Variants in JAZF1 observed in about 807,000 individuals in gnomAD.
The protein encoded by JAZF1 is juxtaposed with another zinc finger protein 1.
Under a neutral mutation model 26.4 loss-of-function variants are expected in JAZF1, and 8 were observed. The observed-to-expected ratio is 0.30, with a 90% CI of 0.18 to 0.55. The LOEUF (loss-of-function observed/expected upper bound fraction) is 0.55. JAZF1 is among the 20% of genes least tolerant of loss of function. JAZF1 has a pLI of 0.94. For synonymous variants in JAZF1, 126 were observed against 122.3 expected (o/e 1.03, Z -0.20); for missense variants, 199 against 322.0 (o/e 0.62, Z 2.92).
At chr7:27,982,680 C>A (rs904622644) in intron 2 of JAZF1, among the ~76,000 whole-genome samples, 1 of 152,180 alleles carries the variant, frequency 6.6e-6, no homozygotes, top group Non-Finnish European at 1.5e-5. Context: ...CCCCGAGTAT[C>A]CTAACTGGGA....
intron 1 of JAZF1, among the ~76,000 whole-genome samples, chr7:28,024,315 A>G (rs1783057438): frequency 6.6e-6 from 1 of 152,016 alleles, no homozygotes; most frequent in African/African-American, 2.4e-5. Flanking sequence ...ACAAAGAGAG[A>G]GAGAGAGATG....
chr7:27,966,944 G>T (rs185516453), intron 2 of JAZF1, among the ~76,000 whole-genome samples: 2 of 152,144 alleles, frequency 1.3e-5, no homozygotes. Flanking sequence ...GGGCATCCAG[G>T]TTGCTTGGCA....
intron 2 of JAZF1, among the ~76,000 whole-genome samples, chr7:27,969,471 C>T (rs1195077407): frequency 2.6e-5 from 4 of 151,946 alleles, no homozygotes; most frequent in East Asian, 1.9e-4. Flanking sequence ...TTGAACATCA[C>T]GTTTATGGCC....
chr7:28,107,813 C>T (rs1443875860), intron 1 of JAZF1, among the ~76,000 whole-genome samples: 2 of 152,194 alleles, frequency 1.3e-5, no homozygotes, highest in African/African-American at 4.8e-5. Context: ...ATACGGAGTT[C>T]CACTTTACAG....
chr7:28,065,330 G>A (rs1419191116), intron 1 of JAZF1, among the ~76,000 whole-genome samples: 1 of 151,370 alleles, frequency 6.6e-6, no homozygotes, highest in East Asian at 1.9e-4. Flanking sequence ...GCGGGGAGGC[G>A]CCTCAAGAGA....
rs1562603967 is a variant in JAZF1 at position 28,149,747 on chromosome 7, G to A, written c.115+30716C>T. On this transcript the variant is annotated intron_variant, in intron 1 of 4. Coordinates refer to ENST00000283928, the MANE Select transcript of JAZF1 (RefSeq NM_175061.4). ...AGAGCTGTCTAAAACGAATGTATCTGCTGAAACATGGGATATAGCAATGGG... is the reference window on the plus strand; with the variant it reads ...AGAGCTGTCTAAAACGAATGTATCTACTGAAACATGGGATATAGCAATGGG... 2.0e-5 allele frequency among the ~76,000 whole-genome samples: 3 copies of A among 152,324 alleles called. No individual in the cohort carries two copies. In the East Asian group the frequency reaches 5.8e-4, roughly 29 times the overall value.
At chr7:27,916,290 G>A (rs1352331541) in intron 2 of JAZF1, among the ~76,000 whole-genome samples, 1 of 151,996 alleles carries the variant, frequency 6.6e-6, no homozygotes, top group Non-Finnish European at 1.5e-5. Context: ...GGGATCAGTG[G>A]AATTTTTTTT....
At chr7:27,839,875 T>G (rs1782888993) in intron 4 of JAZF1, among the ~76,000 whole-genome samples, 1 of 152,192 alleles carries the variant, frequency 6.6e-6, no homozygotes, top group African/African-American at 2.4e-5. Flanking sequence ...TATGAGTGAA[T>G]TAGCATATCA....
At chr7:28,035,310 T>A (rs1441051765) in intron 1 of JAZF1, among the ~76,000 whole-genome samples, 16 of 18,378 alleles carry the variant, frequency 8.7e-4, no homozygotes, top group Non-Finnish European at 1.5e-3. Flanking sequence ...TGAGACTCCA[T>A]CTCAAAAAAA....
intron 1 of JAZF1, among the ~76,000 whole-genome samples, chr7:28,161,308 G>A (rs962778038): frequency 1.4e-5 from 2 of 144,888 alleles, no homozygotes; most frequent in African/African-American, 5.1e-5. Context: ...TGTAGGTAGA[G>A]GATGAAAACT....
chr7:27,907,413 C>A (rs1246822987), intron 2 of JAZF1, among the ~76,000 whole-genome samples: 1 of 152,124 alleles, frequency 6.6e-6, no homozygotes, highest in Admixed American at 6.5e-5. Flanking sequence ...AATTTAACTG[C>A]CATCTAGGAG....
chr7:27,940,915 G>A (rs1247125509), intron 2 of JAZF1, among the ~76,000 whole-genome samples: 2 of 152,058 alleles, frequency 1.3e-5, no homozygotes, highest in African/African-American at 4.8e-5. Context: ...TAAATGTCTT[G>A]GCCTGGTAAT....
chr7:28,006,257 TACTCAG>T, intron 1 of JAZF1, among the ~76,000 whole-genome samples: 1 of 152,186 alleles, frequency 6.6e-6, no homozygotes, highest in Non-Finnish European at 1.5e-5. Context: ...TAGTCCCAGC[TACTCAG>T]GAGGCTGAGT....
At chr7:28,069,543 G>C (rs141674449) in intron 1 of JAZF1, among the ~76,000 whole-genome samples, 1 of 152,278 alleles carries the variant, frequency 6.6e-6, no homozygotes, top group Non-Finnish European at 1.5e-5. Context: ...CCATGAGCCT[G>C]AGCCATGCAC....
At position 27,860,679 on chromosome 7, in the gene JAZF1, CAG is replaced by C. The variant is rs144498989; in HGVS notation, c.386-19814_386-19813del. 8.8e-3 allele frequency among the ~76,000 whole-genome samples: 1,342 copies of C among 152,260 alleles called. 20 individuals are homozygous for C. Among genetic ancestry groups the C allele is most frequent in the African/African-American group, 0.03 (1,254 of 41,534 alleles). ...AGCCCAGAGAGGCAGAGTATCTTGTCAGAGGTCACAAAGCTCCTCCGTGGGGT... is the reference window on the plus strand; with the variant it reads ...AGCCCAGAGAGGCAGAGTATCTTGTCAGGTCACAAAGCTCCTCCGTGGGGT... On this transcript the variant is annotated intron_variant, in intron 3 of 4. Transcript: ENST00000283928.
chr7:27,904,819 C>T (rs1029428653), intron 2 of JAZF1, among the ~76,000 whole-genome samples: 2 of 152,166 alleles, frequency 1.3e-5, no homozygotes, highest in African/African-American at 4.8e-5. Flanking sequence ...TTTCACTTGA[C>T]CTTTACAATG....
At chr7:28,150,299 T>C (rs570451221) in intron 1 of JAZF1, among the ~76,000 whole-genome samples, 1 of 152,288 alleles carries the variant, frequency 6.6e-6, no homozygotes, top group South Asian at 2.1e-4. Flanking sequence ...GAATTGCCAA[T>C]AATTTGGCAC....
intron 1 of JAZF1, among the ~76,000 whole-genome samples, chr7:28,145,462 C>A (rs10277507): frequency 6.6e-6 from 1 of 152,258 alleles, no homozygotes; most frequent in East Asian, 1.9e-4. Flanking sequence ...TAATCTTACC[C>A]CTAAGTAACA....
rs1383980251 is a variant in JAZF1 at position 28,074,574 on chromosome 7, A to G, written c.116-82593T>C. On this transcript the variant is annotated intron_variant, in intron 1 of 4. Coordinates refer to ENST00000283928, the MANE Select transcript of JAZF1 (RefSeq NM_175061.4). The stretch of plus-strand genomic sequence containing the variant: ...AAATAAGCTTATTTTTATGAAATCA[A>G]AAAAGATTTGTGGCTTAATAAATAT... Among the ~76,000 whole-genome samples, 6 of 152,354 alleles carry G rather than the reference A, an allele frequency of 3.9e-5. No individual in the cohort carries two copies. In the East Asian group the frequency reaches 9.6e-4, roughly 24 times the overall value.
Sources: gnomAD v4.1 joint callset for allele counts (sites outside exome capture counted in the v4.1 genomes callset) on GRCh38, gnomAD v4.1.1 for gene constraint, MANE v1.5 for transcripts, NCBI Gene and HGNC (gene_info 2026-07-23, HGNC 2026-07-21) for gene names.